WWP2: variants seen among roughly 807,000 people sequenced by gnomAD.
WWP2 encodes WW domain containing E3 ubiquitin protein ligase 2.
In WWP2, 57 loss-of-function variants were observed where a neutral mutation model predicts 121.0. That is an observed-to-expected ratio of 0.47 (90% CI 0.38 to 0.59). The LOEUF is 0.59. Ranked by LOEUF, WWP2 falls within the 20% of genes least tolerant of loss-of-function variation. The pLI, the probability that WWP2 is intolerant of heterozygous loss-of-function variation, is 0.00. For missense variants in WWP2, 962 were observed against 1,158.9 expected, an observed-to-expected ratio of 0.83 and a Z score of 2.47; for synonymous variants, 449 against 441.3, an observed-to-expected ratio of 1.02 and a Z score of -0.22.
At chr16:69,876,954 G>A (rs2057746093) in intron 7 of WWP2, among the ~76,000 whole-genome samples, 2 of 152,110 alleles carry the variant, frequency 1.3e-5, no homozygotes, top group South Asian at 2.1e-4. Flanking sequence ...TAAAACACAA[G>A]CAGAGTAGAT....
chr16:69,872,218 T>C (rs1021606332), intron 7 of WWP2, among the ~76,000 whole-genome samples: 2 of 151,322 alleles, frequency 1.3e-5, no homozygotes, highest in African/African-American at 4.9e-5. Flanking sequence ...TAAAAAGAAA[T>C]GTCTTTTTTT....
intron 5 of WWP2, among the ~76,000 whole-genome samples, chr16:69,840,752 T>C (rs2151872014): frequency 6.6e-6 from 1 of 152,370 alleles, no homozygotes; most frequent in African/African-American, 2.4e-5. Flanking sequence ...TTGTTTCTTT[T>C]GATCTAGTCT....
chr16:69,933,764 G>A (rs761685858), intron 16 of WWP2, among the ~76,000 whole-genome samples: 1 of 151,992 alleles, frequency 6.6e-6, no homozygotes, highest in Admixed American at 6.6e-5. Context: ...TGCAGTTGCC[G>A]CCCTGGTTCA....
intron 7 of WWP2, among the ~76,000 whole-genome samples, chr16:69,875,131 A>G (rs1352567888): frequency 6.6e-6 from 1 of 152,236 alleles, no homozygotes; most frequent in African/African-American, 2.4e-5. Flanking sequence ...TATCACAATA[A>G]AGTGAATATC....
intron 4 of WWP2, among the ~76,000 whole-genome samples, chr16:69,812,001 T>C (rs2056400958): frequency 1.3e-5 from 2 of 152,142 alleles, no homozygotes; most frequent in African/African-American, 4.8e-5. Context: ...TTTTGCAGTG[T>C]TGTTAATCTA....
Position 69,799,089 on chromosome 16 carries a change from A to T in WWP2, c.219-85A>T. 1 of 1,537,014 alleles carries T rather than the reference A, an allele frequency of 6.5e-7. No individual in the cohort carries two copies. On this transcript the variant is annotated intron_variant, in intron 3 of 23. Coordinates refer to ENST00000359154, the MANE Select transcript of WWP2 (RefSeq NM_001270454.2). The surrounding 1 kb of genome is among the most constrained non-coding windows in gnomAD (Gnocchi z 4.5). ...CCTGTTTTGGTTCCCCCTCCCCAAG[A>T]TGTCAGCAGTTTAGTTTAAATGTTT...
In WWP2 at chr16:69,854,771, G is replaced by C. The variant is rs544580814; in HGVS notation, c.575+12651G>C. On this transcript the variant is annotated intron_variant, in intron 6 of 23. Transcript: ENST00000359154. ...TCGCCAAGTTGGTCATGCTGGTCTCGAACTCCTGACCTCAGGTGATCCACC... is the reference window on the plus strand; with the variant it reads ...TCGCCAAGTTGGTCATGCTGGTCTCCAACTCCTGACCTCAGGTGATCCACC... Among the ~76,000 whole-genome samples, 144 of 152,208 alleles carry C rather than the reference G, an allele frequency of 9.5e-4. 2 individuals are homozygous for C. The highest frequency in any genetic ancestry group is 3.4e-3 in the African/African-American group (140 of 41,544).
intron 7 of WWP2, among the ~76,000 whole-genome samples, chr16:69,873,042 TTGTAGGTAGAGGAA>T (rs1303183387): frequency 6.6e-6 from 1 of 152,152 alleles, no homozygotes; most frequent in East Asian, 1.9e-4. Flanking sequence ...CTTGGATGAA[TTGTAGGTAGAGGAA>T]TGCAGGTGTT....
intron 8 of WWP2, among the ~76,000 whole-genome samples, chr16:69,899,692 A>G (rs190725065): frequency 1.1e-3 from 135 of 127,858 alleles, no homozygotes; most frequent in Middle Eastern, 0.011. Context: ...GTACCACTGC[A>G]CTCCAGCCTG....
chr16:69,803,215 G>A (rs2056207075), intron 4 of WWP2, among the ~76,000 whole-genome samples: 1 of 150,114 alleles, frequency 6.7e-6, no homozygotes, highest in Non-Finnish European at 1.5e-5. Flanking sequence ...CTGATCTCCT[G>A]GCCTCTCAAT....
chr16:69,861,645 C>CTTTTTTTTT (rs11390043), intron 6 of WWP2, among the ~76,000 whole-genome samples: 1 of 136,080 alleles, frequency 7.3e-6, no homozygotes, highest in Non-Finnish European at 1.6e-5. Context: ...CCGCCCTCTC[C>CTTTTTTTTT]TTTTTTTTTT....
At chr16:69,888,746 C>T (rs2057973789) in intron 8 of WWP2, among the ~76,000 whole-genome samples, 1 of 151,826 alleles carries the variant, frequency 6.6e-6, no homozygotes, top group Non-Finnish European at 1.5e-5. Context: ...AATCTGTCAC[C>T]CAGGCTGGAG....
chr16:69,925,451 C>T lies in WWP2; in HGVS notation c.1201C>T (p.His401Tyr). The T allele has an allele frequency of 6.2e-7, 1 of 1,614,036 alleles. No homozygotes were observed. Among genetic ancestry groups the T allele is most frequent in the Non-Finnish European group, 8.5e-7 (1 of 1,179,954 alleles). Residue 401 changes from histidine to tyrosine, a missense_variant, in exon 11 of 24, where the codon CAT becomes TAT. His to Tyr is a moderately conservative substitution (Grantham distance 83). Coordinates refer to ENST00000359154, the MANE Select transcript of WWP2 (RefSeq NM_001270454.2). This position sits in a 1 kb window ranked among gnomAD's most constrained non-coding sequence, Gnocchi z 4.0. Reference sequence around the variant, plus strand: ...TTAGTCTTCGAGTGCTTCGACTGACCATGATCCCCTGGGCCCCCTCCCTCC... The same window carrying T: ...TTAGTCTTCGAGTGCTTCGACTGACTATGATCCCCTGGGCCCCCTCCCTCC... ...LYQSSSASTD[H>Y]DPLGPLPPGW...
chr16:69,780,565 A>C (rs975899637), intron 1 of WWP2, among the ~76,000 whole-genome samples: 1 of 152,160 alleles, frequency 6.6e-6, no homozygotes, highest in Non-Finnish European at 1.5e-5. Context: ...GCTGCCATCT[A>C]ATGTGCGCTG....
chr16:69,796,270 C>T (rs2056042599), intron 2 of WWP2, among the ~76,000 whole-genome samples: 1 of 152,180 alleles, frequency 6.6e-6, no homozygotes, highest in Non-Finnish European at 1.5e-5. Flanking sequence ...AGATACTTCT[C>T]AACTTACAGT....
intron 4 of WWP2, among the ~76,000 whole-genome samples, chr16:69,835,835 C>T (rs2056867551): frequency 6.8e-6 from 1 of 146,394 alleles, no homozygotes; most frequent in East Asian, 2.0e-4. Context: ...CAGAGTCTTG[C>T]TCTGTTGCCC....
chr16:69,881,868 T>A (rs575359291), intron 7 of WWP2, among the ~76,000 whole-genome samples: 1 of 152,182 alleles, frequency 6.6e-6, no homozygotes, highest in South Asian at 2.1e-4. Context: ...TTTTTTTCTA[T>A]TTTTAGTAGA....
At chr16:69,851,315 C>G (rs1276697055) in intron 6 of WWP2, among the ~76,000 whole-genome samples, 2 of 152,018 alleles carry the variant, frequency 1.3e-5, no homozygotes, top group Non-Finnish European at 2.9e-5. Flanking sequence ...AGAGTAGTTT[C>G]ACTGCCCTGT....
At chr16:69,762,441 G>T (rs1484986567) in intron 1 of WWP2, 50 bp downstream of exon 1, 1 of 147,536 alleles carries the variant, frequency 6.8e-6, no homozygotes, top group Non-Finnish European at 1.5e-5. Context: ...CCTGCACGGG[G>T]CGGGCCGGGG....
Sources: gnomAD v4.1 joint callset for allele counts (sites outside exome capture counted in the v4.1 genomes callset) on GRCh38, gnomAD v4.1.1 for gene constraint, Gnocchi (gnomAD v3.1) non-coding constraint, MANE v1.5 for transcripts, NCBI Gene and HGNC (gene_info 2026-07-23, HGNC 2026-07-21) for gene names.